The following LSAMP variants were observed in gnomAD, a reference collection of about 807,000 sequenced individuals.
LSAMP encodes limbic system-associated membrane protein.
LSAMP carries 7 observed loss-of-function variants against 38.6 expected under a neutral mutation model. The ratio of observed to expected loss-of-function variants is 0.18; its 90% CI spans 0.10 to 0.34. The LOEUF (loss-of-function observed/expected upper bound fraction) is 0.34. Ranked by LOEUF, LSAMP falls within the 10% of genes least tolerant of loss-of-function variation. LSAMP has a pLI of 1.00. For missense variants in LSAMP, 313 were observed against 420.0 expected (o/e 0.75, Z 2.23); for synonymous variants, 154 against 166.8 (o/e 0.92, Z 0.59).
At chr3:116,259,523 T>G (rs541726349) in intron 1 of LSAMP, among the ~76,000 whole-genome samples, 1 of 152,240 alleles carries the variant, frequency 6.6e-6, no homozygotes, top group African/African-American at 2.4e-5. Context: ...TTATATGTGT[T>G]TGTGTCATAT....
intron 1 of LSAMP, among the ~76,000 whole-genome samples, chr3:116,265,451 C>G (rs1459662855): frequency 1.3e-5 from 2 of 152,170 alleles, no homozygotes; most frequent in East Asian, 3.9e-4. Flanking sequence ...CGGTTCATAG[C>G]CTGCCATCTG....
At chr3:116,071,040 CAAAAT>C (rs1210227845) in intron 2 of LSAMP, among the ~76,000 whole-genome samples, 1 of 138,726 alleles carries the variant, frequency 7.2e-6, no homozygotes, top group Admixed American at 7.3e-5. Flanking sequence ...AACTCCATCT[CAAAAT>C]AAATAAATAA....
At chr3:116,113,671 C>T (rs1299542403) in intron 1 of LSAMP, among the ~76,000 whole-genome samples, 5 of 151,730 alleles carry the variant, frequency 3.3e-5, no homozygotes, top group South Asian at 2.1e-4. Flanking sequence ...GTGATCCGCC[C>T]GCCTCGGCCT....
intron 3 of LSAMP, among the ~76,000 whole-genome samples, chr3:115,888,196 A>G (rs1441710199): frequency 6.6e-6 from 1 of 151,958 alleles, no homozygotes; most frequent in African/African-American, 2.4e-5. Context: ...TCATTGTTCC[A>G]TTTTCTTCTC....
intron 3 of LSAMP, among the ~76,000 whole-genome samples, chr3:115,897,066 C>T (rs1239109403): frequency 6.6e-6 from 1 of 152,090 alleles, no homozygotes; most frequent in Admixed American, 6.6e-5. Context: ...GAATAAGAAG[C>T]CTCGCTTATG....
chr3:116,298,428 GA>G (rs199988997), intron 1 of LSAMP, among the ~76,000 whole-genome samples: 35 of 148,714 alleles, frequency 2.4e-4, no homozygotes, highest in South Asian at 6.4e-4. Flanking sequence ...TCAGAAGGGG[GA>G]AAAAAAAAAC....
At chr3:116,316,190 T>G (rs115020968) in intron 1 of LSAMP, among the ~76,000 whole-genome samples, 4,559 of 152,234 alleles carry the variant, frequency 0.03, 211 homozygotes, top group African/African-American at 0.1. Flanking sequence ...ATGTAACAAC[T>G]CAAATAATTG....
At chr3:116,069,058 G>T (rs1173653258) in intron 2 of LSAMP, among the ~76,000 whole-genome samples, 1 of 152,172 alleles carries the variant, frequency 6.6e-6, no homozygotes, top group Admixed American at 6.5e-5. Flanking sequence ...GGAACTCATT[G>T]TTACTCCTCT....
chr3:116,174,444 A>G (rs191718505), intron 1 of LSAMP, among the ~76,000 whole-genome samples: 186 of 152,120 alleles, frequency 1.2e-3, no homozygotes, highest in Non-Finnish European at 6.8e-4. Flanking sequence ...TATTATAAAA[A>G]TAGCAATCAT....
chr3:116,370,897 A>T (rs80088562), intron 1 of LSAMP, among the ~76,000 whole-genome samples: 2,311 of 152,316 alleles, frequency 0.015, 56 homozygotes, highest in African/African-American at 0.051. Context: ...AAGTGAGGAC[A>T]TCGCTACTGA....
chr3:116,258,839 G>A (rs558327874), intron 1 of LSAMP, among the ~76,000 whole-genome samples: 2 of 152,218 alleles, frequency 1.3e-5, no homozygotes, highest in African/African-American at 4.8e-5. Context: ...CAATTAAAAA[G>A]ATAGAGGAGA....
chr3:115,922,189 C>T (rs1937398184), intron 3 of LSAMP, among the ~76,000 whole-genome samples: 1 of 152,118 alleles, frequency 6.6e-6, no homozygotes, highest in African/African-American at 2.4e-5. Flanking sequence ...TTCTCTCCTC[C>T]TTCTGGAATT....
chr3:115,998,933 C>T (rs1436183942), intron 3 of LSAMP, among the ~76,000 whole-genome samples: 1 of 151,920 alleles, frequency 6.6e-6, no homozygotes, highest in African/African-American at 2.4e-5. Flanking sequence ...GAAAAGTCAC[C>T]CTTCAAAAAA....
chr3:115,952,190 A>G (rs534435247), intron 3 of LSAMP, among the ~76,000 whole-genome samples: 1 of 152,368 alleles, frequency 6.6e-6, no homozygotes, highest in Admixed American at 6.5e-5. Context: ...TAGAACTACC[A>G]TTTGATTCAG....
At chr3:116,359,658 C>T (rs1237387271) in intron 1 of LSAMP, among the ~76,000 whole-genome samples, 1 of 152,054 alleles carries the variant, frequency 6.6e-6, no homozygotes, top group African/African-American at 2.4e-5. Context: ...TGGTGGTAAA[C>T]ATATGTCATG....
At chr3:116,160,077 G>A (rs1023862662) in intron 1 of LSAMP, among the ~76,000 whole-genome samples, 3 of 152,094 alleles carry the variant, frequency 2.0e-5, no homozygotes, top group African/African-American at 7.2e-5. Context: ...GGCCTACTCA[G>A]GGGTAGAGGG....
chr3:116,319,301 G>A (rs1291460044), intron 1 of LSAMP, among the ~76,000 whole-genome samples: 1 of 152,164 alleles, frequency 6.6e-6, no homozygotes, highest in Admixed American at 6.5e-5. Context: ...TGAAAGCAGT[G>A]TTTTGTCAGC....
chr3:116,419,515 G>C lies in LSAMP; in HGVS notation c.155+25362C>G, dbSNP rs552534258. Among the ~76,000 whole-genome samples the C allele has an allele frequency of 2.0e-5, 3 of 152,258 alleles. No homozygotes were observed. The South Asian group carries it at 6.2e-4, about 32-fold the overall frequency. On this transcript the variant is annotated intron_variant, in intron 1 of 6. Transcript: ENST00000490035. Reference sequence around the variant, plus strand: ...AGTGCTCTGAGGTCTAGACAGTGAGGAGCTAGAAGCCAGGAGAGGAGAAAA... The same window carrying C: ...AGTGCTCTGAGGTCTAGACAGTGAGCAGCTAGAAGCCAGGAGAGGAGAAAA...
At chr3:115,990,965 G>C (rs1187965083) in intron 3 of LSAMP, among the ~76,000 whole-genome samples, 1 of 151,982 alleles carries the variant, frequency 6.6e-6, no homozygotes, top group Non-Finnish European at 1.5e-5. Context: ...GAGAAATATT[G>C]TGCAAGGCCA....
Sources: allele counts gnomAD v4.1 joint callset (sites outside exome capture counted in the v4.1 genomes callset), GRCh38; gene constraint gnomAD v4.1.1; transcripts MANE v1.5; gene names NCBI Gene and HGNC (gene_info 2026-07-23, HGNC 2026-07-21).